Variants in DLGAP2 observed in about 807,000 individuals in gnomAD.
The protein encoded by DLGAP2 is disks large-associated protein 2.
In DLGAP2, 26 loss-of-function variants were observed where a neutral mutation model predicts 100.3. The observed-to-expected ratio is 0.26, with a 90% confidence interval of 0.19 to 0.36. The LOEUF is 0.36. Ranked by LOEUF, DLGAP2 falls within the 10% of genes least tolerant of loss-of-function variation. DLGAP2 has a pLI of 1.00. For missense variants in DLGAP2, 1,858 were observed against 1,453.2 expected (o/e 1.28, Z -4.53); for synonymous variants, 886 against 630.1 (o/e 1.41, Z -6.08).
intron 2 of DLGAP2, among the ~76,000 whole-genome samples, chr8:1,068,857 A>G (rs549159311): frequency 6.6e-6 from 1 of 152,220 alleles, no homozygotes; most frequent in East Asian, 1.9e-4. Flanking sequence ...CTTGTTTATC[A>G]AGAAGATGCT....
intron 4 of DLGAP2, among the ~76,000 whole-genome samples, chr8:1,537,787 A>AAGGG (rs925494079): frequency 1.3e-5 from 2 of 151,996 alleles, no homozygotes; most frequent in Non-Finnish European, 2.9e-5. Context: ...GGAAGGAAGG[A>AAGGG]CAAATGGATA....
intron 3 of DLGAP2, among the ~76,000 whole-genome samples, chr8:1,411,499 G>C (rs536016354): frequency 6.6e-6 from 1 of 152,184 alleles, no homozygotes; most frequent in Non-Finnish European, 1.5e-5. Context: ...CGGCTCCCTA[G>C]CCTGGTGACA....
At position 1,701,622 on chromosome 8, in the gene DLGAP2, T is replaced by C. The variant is rs1799574721; in HGVS notation, c.*216T>C. On this transcript the variant is annotated 3_prime_UTR_variant, in exon 15 of 15. Transcript: ENST00000637795. ...TCTGCTTTTGTTGTTGTTGTTGTTG[T>C]TCACGGGTGGCCTGGCTCACACTTG... 1.7e-6 allele frequency: 1 copy of C among 594,660 alleles called. No individual in the cohort carries two copies. The highest frequency in any genetic ancestry group is 2.9e-6 in the Non-Finnish European group (1 of 345,204). The allele number at this position is 594,660 out of a possible 1,614,324, so 36.8% of individuals were successfully genotyped here.
intron 1 of DLGAP2, among the ~76,000 whole-genome samples, chr8:865,643 G>A (rs1030975181): frequency 6.6e-6 from 1 of 152,204 alleles, no homozygotes; most frequent in East Asian, 1.9e-4. Flanking sequence ...GAAAGATAAG[G>A]TTTATAGCTA....
At chr8:1,174,363 A>T (rs1229229109) in intron 2 of DLGAP2, among the ~76,000 whole-genome samples, 1 of 151,140 alleles carries the variant, frequency 6.6e-6, no homozygotes, top group Non-Finnish European at 1.5e-5. Context: ...ACCATCACCA[A>T]AATCATTATC....
At chr8:827,211 A>C (rs1476610076) in intron 1 of DLGAP2, among the ~76,000 whole-genome samples, 1 of 152,180 alleles carries the variant, frequency 6.6e-6, no homozygotes, top group Admixed American at 6.5e-5. Context: ...AAAAGGCTTC[A>C]TTTGTATTAC....
At chr8:913,831 T>C (rs939470940) in intron 2 of DLGAP2, among the ~76,000 whole-genome samples, 1 of 152,222 alleles carries the variant, frequency 6.6e-6, no homozygotes, top group Non-Finnish European at 1.5e-5. Flanking sequence ...TCCGGTCTCA[T>C]ATGAGGCAGA....
intron 2 of DLGAP2, among the ~76,000 whole-genome samples, chr8:938,670 GA>G (rs1799127364): frequency 6.6e-6 from 1 of 152,200 alleles, no homozygotes; most frequent in African/African-American, 2.4e-5. Context: ...ACCTGGGGGT[GA>G]CCAGCCGGCA....
At chr8:1,124,078 C>T (rs148961879) in intron 2 of DLGAP2, among the ~76,000 whole-genome samples, 4 of 152,254 alleles carry the variant, frequency 2.6e-5, no homozygotes, top group African/African-American at 7.2e-5. Context: ...GTCCTGGCAC[C>T]GTGAATGTTT....
intron 2 of DLGAP2, among the ~76,000 whole-genome samples, chr8:908,471 A>T (rs1406232492): frequency 1.3e-5 from 2 of 152,122 alleles, no homozygotes; most frequent in Non-Finnish European, 2.9e-5. Context: ...GAAGTGGGAG[A>T]TGCATCTCTG....
intron 3 of DLGAP2, among the ~76,000 whole-genome samples, chr8:1,464,560 C>T (rs1382927853): frequency 1.3e-5 from 2 of 152,104 alleles, no homozygotes; most frequent in Admixed American, 6.5e-5. Context: ...GGACGACTCC[C>T]TTCCAGGACG....
At chr8:951,531 G>A (rs1484287202) in intron 2 of DLGAP2, among the ~76,000 whole-genome samples, 2 of 152,210 alleles carry the variant, frequency 1.3e-5, no homozygotes, top group East Asian at 1.9e-4. Flanking sequence ...GATTACAGGC[G>A]TGAGCCACTG....
At chr8:852,691 C>T (rs1563063992) in intron 1 of DLGAP2, among the ~76,000 whole-genome samples, 1 of 152,168 alleles carries the variant, frequency 6.6e-6, no homozygotes, top group African/African-American at 2.4e-5. Context: ...AACACCTTGG[C>T]TACTTCAACG....
chr8:1,225,538 C>T (rs959422303), intron 2 of DLGAP2, among the ~76,000 whole-genome samples: 2 of 152,158 alleles, frequency 1.3e-5, no homozygotes, highest in Non-Finnish European at 2.9e-5. Context: ...TATTAAATGC[C>T]ACTACATGGA....
chr8:1,532,369 A>T (rs1197236176), intron 4 of DLGAP2, among the ~76,000 whole-genome samples: 1 of 152,196 alleles, frequency 6.6e-6, no homozygotes, highest in East Asian at 1.9e-4. Context: ...TTGTATTTGC[A>T]AATCAAATTA....
At chr8:1,169,339 G>A (rs77808435) in intron 2 of DLGAP2, among the ~76,000 whole-genome samples, 70,378 of 151,926 alleles carry the variant, frequency 0.46, 18,630 homozygotes, top group Admixed American at 0.61. Context: ...TTGTTCTTTT[G>A]GCTTAGGATT....
intron 2 of DLGAP2, among the ~76,000 whole-genome samples, chr8:1,156,735 A>G (rs955564102): frequency 3.3e-5 from 5 of 151,920 alleles, no homozygotes; most frequent in African/African-American, 1.2e-4. Context: ...ACCCCAACTC[A>G]GCACCCCCGT....
rs550247320 is a variant in DLGAP2, at chr8:768,633, C to T, written c.18+30808C>T. Among the ~76,000 whole-genome samples, 4 of 151,848 alleles carry T rather than the reference C, an allele frequency of 2.6e-5. No homozygotes were observed. The East Asian group carries it at 7.8e-4, about 30-fold the overall frequency. ...TAGAGATGGGGTTTCACCATGTTAGCCAGGATGGTCTTGACCTCCTGACCT... is the reference window on the plus strand; with the variant it reads ...TAGAGATGGGGTTTCACCATGTTAGTCAGGATGGTCTTGACCTCCTGACCT... On this transcript the variant is annotated intron_variant, in intron 1 of 14. Coordinates refer to ENST00000637795, the MANE Select transcript of DLGAP2 (RefSeq NM_001346810.2).
intron 2 of DLGAP2, among the ~76,000 whole-genome samples, chr8:965,321 C>T (rs1245110670): frequency 9.7e-5 from 10 of 103,568 alleles, no homozygotes; most frequent in Non-Finnish European, 1.3e-4. Flanking sequence ...CTGACCCCTG[C>T]GCTGCACACG....
Sources: gnomAD v4.1 joint callset for allele counts (sites outside exome capture counted in the v4.1 genomes callset) on GRCh38, gnomAD v4.1.1 for gene constraint, MANE v1.5 for transcripts, NCBI Gene and HGNC (gene_info 2026-07-23, HGNC 2026-07-21) for gene names.